The following CASD1 variants were observed in gnomAD, a reference collection of about 807,000 sequenced individuals.
The protein encoded by CASD1 is N-acetylneuraminate (7)9-O-acetyltransferase.
Under a neutral mutation model 100.0 loss-of-function variants are expected in CASD1, and 41 were observed. The observed-to-expected ratio is 0.41, with a 90% CI of 0.32 to 0.53. The LOEUF (loss-of-function observed/expected upper bound fraction) is 0.53, where lower values mean the gene tolerates loss of function less well. Ranked by LOEUF, CASD1 falls within the 20% of genes least tolerant of loss-of-function variation. CASD1 has a pLI of 0.25. For synonymous variants in CASD1, 321 were observed against 315.6 expected (o/e 1.02, Z -0.18); for missense variants, 774 against 948.7 (o/e 0.82, Z 2.42).
At chr7:94,599,810 G>A in the CASD1 span, 13 of 981,844 alleles carry the variant, frequency 1.3e-5, no homozygotes, top group Non-Finnish European at 2.1e-5. Flanking sequence ...CTTGCATGAT[G>A]TGGAAATGCT....
chr7:94,525,149 A>G (rs1409994750), intron 3 of CASD1, among the ~76,000 whole-genome samples: 1 of 152,162 alleles, frequency 6.6e-6, no homozygotes, highest in Non-Finnish European at 1.5e-5. Context: ...AGAGGGAGAA[A>G]GGTAAAGCTG....
At chr7:94,580,221 T>C in the CASD1 span, among the ~76,000 whole-genome samples, 1 of 152,314 alleles carries the variant, frequency 6.6e-6, no homozygotes, top group Non-Finnish European at 1.5e-5. Context: ...CCACATCCTA[T>C]TTTTCATTCT....
chr7:94,619,096 T>C, the CASD1 span: 1 of 687,702 alleles, frequency 1.5e-6, no homozygotes, highest in Non-Finnish European at 2.6e-6. Context: ...TTTAAAGGCT[T>C]TCTGTTTAAC....
intron 1 of CASD1, among the ~76,000 whole-genome samples, chr7:94,511,035 G>C (rs1218052660): frequency 2.0e-5 from 3 of 152,230 alleles, no homozygotes; most frequent in Non-Finnish European, 4.4e-5. Context: ...GACCTGATTT[G>C]AGAATGAATT....
chr7:94,541,745 A>C (rs543392370), intron 10 of CASD1, among the ~76,000 whole-genome samples: 70 of 152,104 alleles, frequency 4.6e-4, no homozygotes, highest in African/African-American at 1.6e-3. Flanking sequence ...ATACAGCAAA[A>C]TAATAGAGAA....
the CASD1 span, among the ~76,000 whole-genome samples, chr7:94,563,279 T>C: frequency 6.6e-6 from 1 of 152,108 alleles, no homozygotes; most frequent in African/African-American, 2.4e-5. Flanking sequence ...GAGGCAACAT[T>C]AAAGAGGCGT....
rs2116268601 is a variant in CASD1 at position 94,527,120 on chromosome 7, TTAATCTATACATTAATATTTCTC to T, written c.352-40_352-18del. On this transcript the variant is annotated intron_variant, in intron 3 of 17. Transcript: ENST00000297273. ...TAAATGGGGCATTTTTTATATAAAT[TTAATCTATACATTAATATTTCTC>T]TGTCTCCTTTTATGGCAGCATGAAA... 3.4e-6 allele frequency: 5 copies of T among 1,469,486 alleles called. No individual in the cohort carries two copies. The highest frequency in any genetic ancestry group is 4.7e-6 in the Non-Finnish European group (5 of 1,059,488). 91.0% of individuals were successfully genotyped at this position (1,469,486 alleles called of 1,614,324 possible). A position where few individuals can be genotyped will look rare whatever the true frequency, so the allele number is the denominator to read the frequency against.
the CASD1 span, among the ~76,000 whole-genome samples, chr7:94,606,684 A>C: frequency 3.9e-5 from 6 of 152,216 alleles, no homozygotes; most frequent in Non-Finnish European, 8.8e-5. Flanking sequence ...ATTCTTCTTA[A>C]GTACACATGA....
At chr7:94,582,505 G>GT in the CASD1 span, among the ~76,000 whole-genome samples, 3 of 152,068 alleles carry the variant, frequency 2.0e-5, no homozygotes, top group African/African-American at 7.2e-5. Context: ...ACTTTTTAAT[G>GT]TTTTTTCCCT....
chr7:94,510,293 G>A (rs1229447163), intron 1 of CASD1, 76 bp downstream of exon 1: 4 of 1,137,686 alleles, frequency 3.5e-6, no homozygotes, highest in Non-Finnish European at 3.5e-6. Flanking sequence ...CGCCCCCATC[G>A]CCCAACACAC....
At chr7:94,580,422 A>G in the CASD1 span, among the ~76,000 whole-genome samples, 15 of 152,260 alleles carry the variant, frequency 9.9e-5, no homozygotes, top group African/African-American at 1.9e-4. Context: ...ATGCTCTTCT[A>G]TCTGCCTCAA....
In CASD1 at chr7:94,554,473, T is replaced by A. The variant is rs761607438; in HGVS notation, c.2035-10T>A. On this transcript the variant is annotated splice_polypyrimidine_tract_variant and intron_variant, in intron 16 of 17. Transcript: ENST00000297273. ...GATTATTAATATTTGCTTTTGTGCT[T>A]TTTCTTTAGATTTTAGCCTTCATCC... The A allele has an allele frequency of 2.6e-6, 4 of 1,568,342 alleles. No individual in the cohort carries two copies. The highest frequency in any genetic ancestry group is 3.5e-6 in the Non-Finnish European group (4 of 1,145,116).
chr7:94,628,640 G>A, the CASD1 span: 2 of 377,460 alleles, frequency 5.3e-6, no homozygotes, highest in Admixed American at 4.1e-5. Flanking sequence ...ATATAGTTCT[G>A]CCAGTGAGAC....
downstream of CASD1, among the ~76,000 whole-genome samples, chr7:94,561,713 T>C (rs1348125263): frequency 2.6e-5 from 4 of 152,140 alleles, no homozygotes; most frequent in Non-Finnish European, 4.4e-5. Flanking sequence ...ACCAGCTTAA[T>C]GTCTCATTAA....
rs1317076563 is a variant in CASD1, at chr7:94,510,566, G to A, written c.133+349G>A. ...CTCCAGATCAGGGGCTCGCGTGCAG[G>A]AAGTCGGACAGGCGGTCCTTGGGGG... is the stretch of plus-strand genomic sequence containing the variant. On this transcript the variant is annotated intron_variant, in intron 1 of 17. Transcript: ENST00000297273. Among the ~76,000 whole-genome samples the A allele has an allele frequency of 3.3e-5, 5 of 152,310 alleles. No individual in the cohort carries two copies. The East Asian group carries it at 9.7e-4, about 29-fold the overall frequency.
At chr7:94,538,826 A>G in intron 9 of CASD1, 141 bp from the exon 10 acceptor site, 1 of 441,792 alleles carries the variant, frequency 2.3e-6, no homozygotes, top group Non-Finnish European at 4.0e-6. Context: ...GACAGTTTTT[A>G]ACTGTTTCTC....
chr7:94,627,391 C>A, the CASD1 span: 1 of 151,894 alleles, frequency 6.6e-6, no homozygotes, highest in Non-Finnish European at 1.5e-5. Context: ...CTGGTGAGGA[C>A]CTGATGAATG....
At chr7:94,630,298 G>C in the CASD1 span, among the ~76,000 whole-genome samples, 1 of 151,506 alleles carries the variant, frequency 6.6e-6, no homozygotes, top group South Asian at 2.1e-4. Context: ...TATACTAATT[G>C]TTTTCTAGAC....
intron 3 of CASD1, among the ~76,000 whole-genome samples, chr7:94,524,841 C>T (rs1386264285): frequency 6.6e-6 from 1 of 151,722 alleles, no homozygotes; most frequent in Non-Finnish European, 1.5e-5. Context: ...CTAGGTTATA[C>T]GAGATTAAGA....
Sources: allele counts gnomAD v4.1 joint callset (sites outside exome capture counted in the v4.1 genomes callset), GRCh38; gene constraint gnomAD v4.1.1; transcripts MANE v1.5; gene names NCBI Gene and HGNC (gene_info 2026-07-23, HGNC 2026-07-21).